The following EYS variants were observed in gnomAD, a reference collection of about 807,000 sequenced individuals.
EYS encodes the protein EGF-like photoreceptor maintenance factor.
In EYS, 250 loss-of-function variants were observed where a neutral mutation model predicts 282.1. The ratio of observed to expected loss-of-function variants is 0.89; its 90% CI spans 0.80 to 0.98. The LOEUF (loss-of-function observed/expected upper bound fraction) is 0.98, where lower values mean the gene tolerates loss of function less well. Ranked by LOEUF, EYS falls within the 50% of genes least tolerant of loss-of-function variation. The probability of loss-of-function intolerance (pLI) is 0.00; values close to 1 mark genes in which losing one functional copy is unlikely to be tolerated. For synonymous variants in EYS, 1,355 were observed against 1,282.9 expected, an observed-to-expected ratio of 1.06 and a Z score of -1.20; for missense variants, 4,016 against 3,709.0, an observed-to-expected ratio of 1.08 and a Z score of -2.15.
At chr6:64,347,889 T>A (rs1034481823) in intron 29 of EYS, among the ~76,000 whole-genome samples, 1 of 151,334 alleles carries the variant, frequency 6.6e-6, no homozygotes, top group Non-Finnish European at 1.5e-5. Context: ...CACAAAAAAA[T>A]TCACCTTATT....
intron 9 of EYS, among the ~76,000 whole-genome samples, chr6:65,346,611 T>C (rs535335401): frequency 1.3e-4 from 19 of 151,642 alleles, no homozygotes; most frequent in Non-Finnish European, 2.8e-4. Context: ...GGGATCAATT[T>C]AGGAGATGTG....
At chr6:64,543,148 C>T (rs1764741512) in intron 26 of EYS, among the ~76,000 whole-genome samples, 2 of 151,992 alleles carry the variant, frequency 1.3e-5, no homozygotes, top group African/African-American at 4.8e-5. Flanking sequence ...TTTTTTATTG[C>T]CATTAATTTA....
intron 18 of EYS, among the ~76,000 whole-genome samples, chr6:64,899,177 CT>C (rs1767570286): frequency 6.6e-6 from 1 of 152,138 alleles, no homozygotes; most frequent in Non-Finnish European, 1.5e-5. Flanking sequence ...CCACATAGCA[CT>C]TATTCTAAAA....
At chr6:64,195,438 G>A (rs576789598) in intron 31 of EYS, among the ~76,000 whole-genome samples, 1 of 152,248 alleles carries the variant, frequency 6.6e-6, no homozygotes, top group Admixed American at 6.5e-5. Flanking sequence ...AAGTAGCTGG[G>A]ACTACAGGCA....
At chr6:64,443,036 G>C (rs1004272418) in intron 26 of EYS, among the ~76,000 whole-genome samples, 1 of 152,178 alleles carries the variant, frequency 6.6e-6, no homozygotes, top group Non-Finnish European at 1.5e-5. Context: ...ACCTGGAAAA[G>C]CCACAGACAC....
At chr6:64,838,617 T>TAC (rs56901295) in intron 19 of EYS, among the ~76,000 whole-genome samples, 5,088 of 149,688 alleles carry the variant, frequency 0.034, 232 homozygotes, top group African/African-American at 0.1. Context: ...TCTGTTTCTC[T>TAC]ACACACACAC....
chr6:65,174,029 A>T (rs956537550), intron 12 of EYS, among the ~76,000 whole-genome samples: 5 of 151,252 alleles, frequency 3.3e-5, no homozygotes, highest in Admixed American at 2.7e-4. Flanking sequence ...TAAAATGAGA[A>T]ATAGGACACA....
chr6:65,320,127 G>A (rs1769429543), intron 11 of EYS, among the ~76,000 whole-genome samples: 1 of 151,900 alleles, frequency 6.6e-6, no homozygotes, highest in African/African-American at 2.4e-5. Context: ...TTTAAGTGGA[G>A]CTGCCTAAGG....
At chr6:64,317,472 A>C (rs561665560) in intron 29 of EYS, among the ~76,000 whole-genome samples, 12 of 152,174 alleles carry the variant, frequency 7.9e-5, no homozygotes, top group Admixed American at 5.2e-4. Flanking sequence ...AATCAAAATC[A>C]CAATGAGATA....
chr6:65,462,435 A>C (rs1032893345), intron 5 of EYS, among the ~76,000 whole-genome samples: 2 of 152,126 alleles, frequency 1.3e-5, no homozygotes, highest in Non-Finnish European at 2.9e-5. Context: ...CTCTGCACAC[A>C]CACAGAATCA....
intron 30 of EYS, among the ~76,000 whole-genome samples, chr6:64,272,956 A>G (rs934865846): frequency 1.3e-5 from 2 of 152,154 alleles, no homozygotes; most frequent in Non-Finnish European, 2.9e-5. Context: ...TCACCAGACT[A>G]AAATATCTTA....
chr6:64,854,410 C>T (rs564738178), intron 19 of EYS, among the ~76,000 whole-genome samples: 51 of 151,988 alleles, frequency 3.4e-4, no homozygotes, highest in Admixed American at 7.9e-4. Context: ...TACTATGCAG[C>T]CATAAAAAAG....
chr6:65,628,075 T>A (rs1766780897), intron 2 of EYS, among the ~76,000 whole-genome samples: 1 of 152,210 alleles, frequency 6.6e-6, no homozygotes, highest in East Asian at 1.9e-4. Context: ...ATCAGCACCG[T>A]GTGTCTAGCT....
At chr6:65,338,474 A>G (rs1049307300) in intron 10 of EYS, among the ~76,000 whole-genome samples, 1 of 151,170 alleles carries the variant, frequency 6.6e-6, no homozygotes, top group Non-Finnish European at 1.5e-5. Context: ...ACATTCTATC[A>G]AAACATTACA....
At chr6:64,456,974 GTTA>G (rs1317617338) in intron 26 of EYS, among the ~76,000 whole-genome samples, 1 of 151,940 alleles carries the variant, frequency 6.6e-6, no homozygotes, top group Non-Finnish European at 1.5e-5. Flanking sequence ...TAAAGCCAAT[GTTA>G]TTATGACCTT....
chr6:65,413,834 C>T (rs1308273047), intron 5 of EYS, among the ~76,000 whole-genome samples: 4 of 151,636 alleles, frequency 2.6e-5, no homozygotes, highest in South Asian at 2.1e-4. Context: ...CCAGTATGGG[C>T]GACAGAGGGA....
chr6:64,368,832 T>C (rs1259510283), intron 29 of EYS, among the ~76,000 whole-genome samples: 1 of 152,134 alleles, frequency 6.6e-6, no homozygotes, highest in Admixed American at 6.6e-5. Context: ...AGTTTTCAAA[T>C]ATTTTCCCTC....
chr6:64,078,989 T>C lies in EYS; in HGVS notation c.6571+2867A>G, dbSNP rs541798008. Among the ~76,000 whole-genome samples the C allele has an allele frequency of 1.9e-4, 29 of 152,196 alleles. No homozygotes were observed. The South Asian group carries it at 6.0e-3, about 32-fold the overall frequency. ...TTAACTATGAGCTGTTTTTAGTTGG[T>C]AGAAATAAATTTTCCCCAAGAAAAT... On this transcript the variant is annotated intron_variant, in intron 32 of 42. Transcript: ENST00000503581.
rs151147959 is a variant in EYS at position 65,569,145 on chromosome 6, AC to A, written c.-333+70632del. On this transcript the variant is annotated intron_variant, in intron 2 of 42. Transcript: ENST00000503581. ...TGTATTGTTCCTGCCTTAACTGATG[AC>A]ATTACCTTGTGAAATTCCTTCTCCT... Among the ~76,000 whole-genome samples, 1,164 of 152,268 alleles carry A rather than the reference AC, an allele frequency of 7.6e-3. 19 individuals are homozygous for A. The highest frequency in any genetic ancestry group is 0.025 in the African/African-American group (1,044 of 41,554).
Sources: gnomAD v4.1 joint callset for allele counts (sites outside exome capture counted in the v4.1 genomes callset) on GRCh38, gnomAD v4.1.1 for gene constraint, MANE v1.5 for transcripts, NCBI Gene and HGNC (gene_info 2026-07-23, HGNC 2026-07-21) for gene names.